The following CNTN5 variants were observed in gnomAD, a reference collection of about 807,000 sequenced individuals.
CNTN5 encodes the protein contactin 5.
In CNTN5, 77 loss-of-function variants were observed where a neutral mutation model predicts 129.1. That is an observed-to-expected ratio of 0.60 (90% CI 0.50 to 0.72). CNTN5 has a LOEUF of 0.72. Ranked by LOEUF, CNTN5 falls within the 30% of genes least tolerant of loss-of-function variation. The pLI is 0.00. For synonymous variants in CNTN5, 509 were observed against 465.6 expected, an observed-to-expected ratio of 1.09 and a Z score of -1.20; for missense variants, 1,478 against 1,328.8, an observed-to-expected ratio of 1.11 and a Z score of -1.75.
intron 13 of CNTN5, among the ~76,000 whole-genome samples, chr11:100,079,645 T>A (rs202050412): frequency 0.092 from 13,974 of 152,194 alleles, 790 homozygotes; most frequent in East Asian, 0.18. Context: ...TAAAGACTTT[T>A]TTTTTCACTG....
intron 1 of CNTN5, among the ~76,000 whole-genome samples, chr11:99,144,694 T>C (rs1859690075): frequency 6.6e-6 from 1 of 152,204 alleles, no homozygotes; most frequent in Admixed American, 6.5e-5. Flanking sequence ...TTCTGATTAA[T>C]ATACTTTATT....
intron 8 of CNTN5, among the ~76,000 whole-genome samples, chr11:99,987,214 A>G (rs1938740048): frequency 6.6e-6 from 1 of 152,144 alleles, no homozygotes; most frequent in Admixed American, 6.5e-5. Flanking sequence ...TTAACTTTGT[A>G]CCAGGGACTG....
At chr11:99,045,500 G>A (rs1321209474) in intron 1 of CNTN5, among the ~76,000 whole-genome samples, 1 of 152,156 alleles carries the variant, frequency 6.6e-6, no homozygotes, top group African/African-American at 2.4e-5. Flanking sequence ...AGTTGTATCT[G>A]TATGTACAAA....
chr11:100,159,603 A>C (rs1947371899), intron 13 of CNTN5, among the ~76,000 whole-genome samples: 1 of 151,986 alleles, frequency 6.6e-6, no homozygotes, highest in Non-Finnish European at 1.5e-5. Flanking sequence ...AACCCTAAGA[A>C]ATAGACATTA....
At chr11:100,292,185 G>A (rs968331182) in intron 18 of CNTN5, among the ~76,000 whole-genome samples, 1 of 151,898 alleles carries the variant, frequency 6.6e-6, no homozygotes, top group Non-Finnish European at 1.5e-5. Context: ...GTACTTTCCA[G>A]GTCAGACAAG....
chr11:99,126,440 C>A (rs946939474), intron 1 of CNTN5, among the ~76,000 whole-genome samples: 56 of 152,154 alleles, frequency 3.7e-4, no homozygotes, highest in African/African-American at 1.3e-3. Context: ...AGAGATACTG[C>A]AGAAAATTTG....
chr11:99,218,992 C>T (rs888375588), intron 1 of CNTN5, among the ~76,000 whole-genome samples: 11 of 152,094 alleles, frequency 7.2e-5, no homozygotes, highest in African/African-American at 2.4e-4. Context: ...GATTTTGATA[C>T]TGGTAAGCCC....
intron 7 of CNTN5, among the ~76,000 whole-genome samples, chr11:99,924,124 A>T (rs1349966788): frequency 6.6e-6 from 1 of 152,158 alleles, no homozygotes; most frequent in East Asian, 1.9e-4. Flanking sequence ...ATTAATAGCC[A>T]TTCTGGCTGG....
chr11:99,412,146 G>A (rs1473862262), intron 2 of CNTN5, among the ~76,000 whole-genome samples: 1 of 151,986 alleles, frequency 6.6e-6, no homozygotes. Flanking sequence ...TTATATAGAA[G>A]AAATATATTA....
At chr11:99,787,350 T>C (rs1271608337) in intron 3 of CNTN5, among the ~76,000 whole-genome samples, 3 of 151,708 alleles carry the variant, frequency 2.0e-5, no homozygotes, top group African/African-American at 7.2e-5. Flanking sequence ...CCTGTTCAAC[T>C]CTTAACATAA....
At chr11:99,743,199 T>C (rs552468834) in intron 3 of CNTN5, among the ~76,000 whole-genome samples, 2 of 152,322 alleles carry the variant, frequency 1.3e-5, no homozygotes, top group South Asian at 4.1e-4. Flanking sequence ...ACATTAGATG[T>C]GTCGTTTTAA....
intron 3 of CNTN5, among the ~76,000 whole-genome samples, chr11:99,614,526 G>A (rs1950697607): frequency 6.6e-6 from 1 of 152,170 alleles, no homozygotes; most frequent in African/African-American, 2.4e-5. Context: ...GAAGAAAAAG[G>A]CACTGAATTG....
At chr11:99,804,554 G>C (rs1195085875) in intron 3 of CNTN5, among the ~76,000 whole-genome samples, 1 of 144,040 alleles carries the variant, frequency 6.9e-6, no homozygotes, top group African/African-American at 2.5e-5. Flanking sequence ...ACTCAGTAAA[G>C]TATGATATTA....
chr11:100,267,763 G>A (rs779409382), intron 17 of CNTN5, among the ~76,000 whole-genome samples: 5 of 152,136 alleles, frequency 3.3e-5, no homozygotes, highest in Non-Finnish European at 7.4e-5. Context: ...GAAATAAGAC[G>A]TCGGAGGATT....
chr11:99,399,632 G>A (rs1941697012), intron 2 of CNTN5, among the ~76,000 whole-genome samples: 1 of 151,388 alleles, frequency 6.6e-6, no homozygotes, highest in South Asian at 2.1e-4. Context: ...AGTGTTGGTG[G>A]AACAGTGGTG....
At chr11:100,191,642 G>T (rs139060000) in intron 14 of CNTN5, among the ~76,000 whole-genome samples, 1 of 152,076 alleles carries the variant, frequency 6.6e-6, no homozygotes, top group Non-Finnish European at 1.5e-5. Flanking sequence ...GGGATTTGGG[G>T]CAGAAAGGAG....
At chr11:99,458,128 A>G (rs983664696) in intron 2 of CNTN5, among the ~76,000 whole-genome samples, 28 of 152,002 alleles carry the variant, frequency 1.8e-4, no homozygotes, top group Non-Finnish European at 3.5e-4. Flanking sequence ...TTAATGAGAT[A>G]AATGAGGCTT....
intron 6 of CNTN5, among the ~76,000 whole-genome samples, chr11:99,874,846 A>T (rs1038524910): frequency 5.3e-5 from 8 of 152,018 alleles, no homozygotes; most frequent in African/African-American, 1.4e-4. Context: ...TGGAAGCTCA[A>T]TTTTTTTCCT....
chr11:99,031,900 A>G (rs565997640), intron 1 of CNTN5, among the ~76,000 whole-genome samples: 46 of 141,838 alleles, frequency 3.2e-4, no homozygotes, highest in African/African-American at 7.8e-4. Flanking sequence ...ATATCTCCCA[A>G]TGCTATCCCT....
Sources: allele counts gnomAD v4.1 joint callset (sites outside exome capture counted in the v4.1 genomes callset), GRCh38; gene constraint gnomAD v4.1.1; transcripts MANE v1.5; gene names NCBI Gene and HGNC (gene_info 2026-07-23, HGNC 2026-07-21).